The following ZSCAN5A variants were observed in gnomAD, a reference collection of about 807,000 sequenced individuals.
The protein encoded by ZSCAN5A is zinc finger and SCAN domain-containing protein 5A.
Under a neutral mutation model 23.7 loss-of-function variants are expected in ZSCAN5A, and 12 were observed. That is an observed-to-expected ratio of 0.51 (90% CI 0.32 to 0.82). The LOEUF is 0.82. Among genes scored for constraint, ZSCAN5A ranks in the 40% least tolerant of loss-of-function variants. The pLI is 0.03. For missense variants in ZSCAN5A, 597 were observed against 617.9 expected, an observed-to-expected ratio of 0.97 and a Z score of 0.36; for synonymous variants, 257 against 239.9, an observed-to-expected ratio of 1.07 and a Z score of -0.66.
chr19:56,271,174 G>A (rs1234143999), intron 2 of ZSCAN5A, among the ~76,000 whole-genome samples: 1 of 152,168 alleles, frequency 6.6e-6, no homozygotes. Flanking sequence ...ATCCAAATAT[G>A]CTCCCCCAAC....
chr19:56,257,679 CATCTTCTTA>C, intron 2 of ZSCAN5A, among the ~76,000 whole-genome samples: 1 of 135,646 alleles, frequency 7.4e-6, no homozygotes, highest in East Asian at 2.3e-4. Context: ...CACCACTGCC[CATCTTCTTA>C]GACACAGGCG....
At chr19:56,294,426 T>A (rs1448483875) in intron 2 of ZSCAN5A, among the ~76,000 whole-genome samples, 1 of 152,218 alleles carries the variant, frequency 6.6e-6, no homozygotes, top group African/African-American at 2.4e-5. Flanking sequence ...CCTACCTGAT[T>A]AATGGAGATA....
chr19:56,310,682 G>T (rs754554722), intron 2 of ZSCAN5A, among the ~76,000 whole-genome samples: 1 of 152,208 alleles, frequency 6.6e-6, no homozygotes, highest in Non-Finnish European at 1.5e-5. Flanking sequence ...ATTTGGGGCT[G>T]CCCCCACCGT....
chr19:56,267,597 C>T (rs886259112), intron 2 of ZSCAN5A, among the ~76,000 whole-genome samples: 1 of 152,190 alleles, frequency 6.6e-6, no homozygotes, highest in Non-Finnish European at 1.5e-5. Flanking sequence ...AGCACGGATA[C>T]AGGACATTCC....
At chr19:56,234,506 A>G (rs1474312106) in intron 2 of ZSCAN5A, among the ~76,000 whole-genome samples, 1 of 152,162 alleles carries the variant, frequency 6.6e-6, no homozygotes, top group Non-Finnish European at 1.5e-5. Flanking sequence ...TTAAAAAAAA[A>G]ACAACAAGGA....
intron 2 of ZSCAN5A, among the ~76,000 whole-genome samples, chr19:56,231,996 C>CTTTTCTTTTTTT (rs1555793341): frequency 5.6e-5 from 7 of 124,984 alleles, no homozygotes; most frequent in African/African-American, 1.8e-4. Flanking sequence ...TTTTTCTTTT[C>CTTTTCTTTTTTT]TTTTTTTTTG....
At chr19:56,345,621 T>C (rs139527272) in intron 2 of ZSCAN5A, among the ~76,000 whole-genome samples, 1 of 152,252 alleles carries the variant, frequency 6.6e-6, no homozygotes, top group African/African-American at 2.4e-5. Flanking sequence ...ATTATAAAAA[T>C]TTATCATAGA....
intron 2 of ZSCAN5A, among the ~76,000 whole-genome samples, chr19:56,265,287 C>G (rs1010201557): frequency 6.6e-6 from 1 of 150,856 alleles, no homozygotes; most frequent in African/African-American, 2.4e-5. Flanking sequence ...ATCAACAACA[C>G]AATTCCAAAC....
chr19:56,342,882 T>C (rs970174772), intron 2 of ZSCAN5A: 7 of 988,686 alleles, frequency 7.1e-6, no homozygotes, highest in African/African-American at 3.2e-5. Context: ...CAGTACCCAC[T>C]TCAGGTAGTC....
At chr19:56,356,912 C>T (rs1025989024) in intron 2 of ZSCAN5A, among the ~76,000 whole-genome samples, 1 of 148,666 alleles carries the variant, frequency 6.7e-6, no homozygotes, top group Non-Finnish European at 1.5e-5. Context: ...TCCTTTAGAA[C>T]TGGTTGTCAT....
intron 2 of ZSCAN5A, chr19:56,247,511 C>G (rs746751395): frequency 2.5e-5 from 4 of 161,222 alleles, no homozygotes; most frequent in African/African-American, 9.6e-5. Context: ...TTCACTGACG[C>G]TATTAGATGA....
chr19:56,292,539 C>G (rs1222382516), intron 2 of ZSCAN5A, among the ~76,000 whole-genome samples: 1 of 151,612 alleles, frequency 6.6e-6, no homozygotes, highest in Non-Finnish European at 1.5e-5. Context: ...CCTCCTACCT[C>G]AGCCTCCCAA....
chr19:56,311,855 G>A (rs773010301), intron 2 of ZSCAN5A: 7 of 151,986 alleles, frequency 4.6e-5, no homozygotes, highest in Non-Finnish European at 7.4e-5. Context: ...GCCCCAGTGC[G>A]TGTTGTTCAC....
Position 56,233,612 on chromosome 19 carries a change from C to CT in ZSCAN5A, c.-127-8440dup, listed in dbSNP as rs35551923. On this transcript the variant is annotated intron_variant, in intron 2 of 5. Transcript: ENST00000683990. Reference sequence around the variant, plus strand: ...ATCCTATACTTTTCTATGAAATCACCTTTTTTTTTTTTTTTGGAGATCTCC... The same window carrying CT: ...ATCCTATACTTTTCTATGAAATCACCTTTTTTTTTTTTTTTTGGAGATCTCC... Among the ~76,000 whole-genome samples, 1,157 of 135,438 alleles carry CT rather than the reference C, an allele frequency of 8.5e-3. 15 individuals carry two copies. Among genetic ancestry groups the CT allele is most frequent in the African/African-American group, 0.026 (966 of 36,532 alleles). The allele number at this position is 135,438 out of a possible 152,430, so 88.9% of individuals were successfully genotyped here.
At chr19:56,367,034 C>T (rs1011819756) in intron 1 of ZSCAN5A, among the ~76,000 whole-genome samples, 6 of 152,060 alleles carry the variant, frequency 3.9e-5, no homozygotes, top group African/African-American at 1.4e-4. Context: ...AACCCTTCCC[C>T]GAGCCGAAAA....
At chr19:56,295,446 T>G (rs1365670429) in intron 2 of ZSCAN5A, among the ~76,000 whole-genome samples, 2 of 151,872 alleles carry the variant, frequency 1.3e-5, no homozygotes, top group Non-Finnish European at 2.9e-5. Flanking sequence ...AATACAAAAA[T>G]TAGCCGGGTG....
chr19:56,239,696 T>C (rs1328551417), intron 2 of ZSCAN5A, among the ~76,000 whole-genome samples: 1 of 152,198 alleles, frequency 6.6e-6, no homozygotes, highest in African/African-American at 2.4e-5. Context: ...CTAATATTTA[T>C]TGTATATCAG....
In ZSCAN5A at chr19:56,225,074, T is replaced by G. The variant is rs557793195; in HGVS notation, c.-28A>C. On this transcript the variant is annotated 5_prime_UTR_variant, in exon 3 of 6. Coordinates refer to ENST00000683990, the MANE Select transcript of ZSCAN5A (RefSeq NM_001322064.3). ...CTAGTGGAGAATTTTTTAATCAGTC[T>G]CTGAGAAAGCTCTTCCAGTAGCTGG... 1.3e-6 allele frequency: 2 copies of G among 1,550,466 alleles called. No individual in the cohort carries two copies. Among genetic ancestry groups the G allele is most frequent in the Middle Eastern group, 1.7e-4 (1 of 5,752 alleles).
chr19:56,241,513 G>A (rs1263980807), intron 2 of ZSCAN5A, among the ~76,000 whole-genome samples: 1 of 152,222 alleles, frequency 6.6e-6, no homozygotes, highest in Non-Finnish European at 1.5e-5. Context: ...GTGCTTTGTA[G>A]GATGTGAACG....
Sources: gnomAD v4.1 joint callset for allele counts (sites outside exome capture counted in the v4.1 genomes callset) on GRCh38, gnomAD v4.1.1 for gene constraint, MANE v1.5 for transcripts, NCBI Gene and HGNC (gene_info 2026-07-23, HGNC 2026-07-21) for gene names.